The following ZNF518A variants were observed in gnomAD, a reference collection of about 807,000 sequenced individuals.
The protein encoded by ZNF518A is zinc finger protein 518.
In ZNF518A, 47 loss-of-function variants were observed where a neutral mutation model predicts 102.7. That is an observed-to-expected ratio of 0.46 (90% CI 0.36 to 0.58). ZNF518A has a LOEUF of 0.58. Among genes scored for constraint, ZNF518A ranks in the 20% least tolerant of loss-of-function variants. The pLI, the probability that ZNF518A is intolerant of heterozygous loss-of-function variation, is 0.00. For synonymous variants in ZNF518A, 652 were observed against 594.6 expected (o/e 1.10, Z -1.40); for missense variants, 1,793 against 1,699.8 (o/e 1.05, Z -0.96).
intron 1 of ZNF518A, chr10:96,189,396 G>C (rs1554892956): frequency 6.8e-6 from 4 of 585,340 alleles, no homozygotes; most frequent in Non-Finnish European, 1.3e-5. Flanking sequence ...ATCTTGAATA[G>C]TCTCCTGGTC....
At chr10:96,201,648 G>A (rs969080160) in intron 1 of ZNF518A, among the ~76,000 whole-genome samples, 2 of 152,156 alleles carry the variant, frequency 1.3e-5, no homozygotes, top group Non-Finnish European at 2.9e-5. Context: ...AGACCAAAAT[G>A]TCTGAGAATT....
chr10:96,137,388 A>G (rs782189613), intron 3 of ZNF518A, among the ~76,000 whole-genome samples: 42 of 152,242 alleles, frequency 2.8e-4, no homozygotes, highest in Non-Finnish European at 4.6e-4. Context: ...AAACTCCTTG[A>G]AAGAGTTGTC....
chr10:96,152,302 C>T (rs2082486464), intron 3 of ZNF518A, among the ~76,000 whole-genome samples: 1 of 152,140 alleles, frequency 6.6e-6, no homozygotes, highest in African/African-American at 2.4e-5. Flanking sequence ...GACAGCGAGA[C>T]CCTGTCTCAA....
At position 96,173,651 on chromosome 10, in the gene ZNF518A, G is replaced by A. The variant is rs189316280; in HGVS notation, n.35+17604G>A. Among the ~76,000 whole-genome samples, 448 of 152,206 alleles carry A rather than the reference G, an allele frequency of 2.9e-3. 5 individuals are homozygous for A. The highest frequency in any genetic ancestry group is 0.01 in the African/African-American group (419 of 41,532). Reference sequence around the variant, plus strand: ...TGAAGCAAAAACTGACAGAATTGAAGGGAGAAGTAGACAAGTAAAGAATGA... The same window carrying A: ...TGAAGCAAAAACTGACAGAATTGAAAGGAGAAGTAGACAAGTAAAGAATGA... On this transcript the variant is annotated intron_variant and non_coding_transcript_variant, in intron 1 of 2. Transcript: ENST00000442635.
intron 1 of ZNF518A, chr10:96,197,128 A>C: frequency 7.3e-7 from 1 of 1,375,282 alleles, no homozygotes; most frequent in Non-Finnish European, 1.0e-6. Context: ...CAGGTTCAAA[A>C]AATCATTTTG....
At chr10:96,204,069 T>C in exon 3 of ZNF518A, 1 of 1,613,862 alleles carries the variant, frequency 6.2e-7, no homozygotes, top group Non-Finnish European at 8.5e-7. Flanking sequence ...GGCAGAGGTA[T>C]GGGTTTTTGG....
chr10:96,147,621 A>G (rs1203042573), intron 3 of ZNF518A, among the ~76,000 whole-genome samples: 1 of 152,242 alleles, frequency 6.6e-6, no homozygotes, highest in Non-Finnish European at 1.5e-5. Flanking sequence ...GCTTTATGCC[A>G]GAATTCGAAG....
In ZNF518A at chr10:96,200,000, T is replaced by C. The variant is rs773909625; in HGVS notation, n.36-3574T>C. 1.3e-3 allele frequency: 1,475 copies of C among 1,126,844 alleles called. 5 individuals carry two copies. The highest frequency in any genetic ancestry group is 1.6e-3 in the Non-Finnish European group (1,390 of 863,334). The allele number at this position is 1,126,844 out of a possible 1,614,324, so 69.8% of individuals were successfully genotyped here. A position where few individuals can be genotyped will look rare whatever the true frequency, so the allele number is the denominator to read the frequency against. On this transcript the variant is annotated intron_variant and non_coding_transcript_variant, in intron 1 of 2. Coordinates refer to the ZNF518A transcript ENST00000442635. Reference sequence around the variant, plus strand: ...CTGAGATCGAGCCACTGCACTCCAGTGAAACTGCATCATCTCAAAACAAAT... The same window carrying C: ...CTGAGATCGAGCCACTGCACTCCAGCGAAACTGCATCATCTCAAAACAAAT...
chr10:96,162,911 T>C lies in ZNF518A; in HGVS notation c.*2137T>C, dbSNP rs10748660. On this transcript the variant is annotated 3_prime_UTR_variant, in exon 6 of 6. Coordinates refer to ENST00000316045, the MANE Select transcript of ZNF518A (RefSeq NM_001330736.2). ...TATATTGTTTAAGAAAGGTAACATA[T>C]ACCATAATTTTACTATGGTTATGCT... 53,023 of 166,788 alleles carry C rather than the reference T, an allele frequency of 0.32. 9,662 individuals are homozygous for C. Among genetic ancestry groups the C allele is most frequent in the East Asian group, 0.66 (3,445 of 5,184 alleles). The allele number at this position is 166,788 out of a possible 1,614,324, so 10.3% of individuals were successfully genotyped here. A position where few individuals can be genotyped will look rare whatever the true frequency, so the allele number is the denominator to read the frequency against.
At position 96,160,499 on chromosome 10, in the gene ZNF518A, T is replaced by A; in HGVS notation, c.4177T>A (p.Tyr1393Asn). 5 of 1,613,312 alleles carry A rather than the reference T, an allele frequency of 3.1e-6. No individual in the cohort carries two copies. Among genetic ancestry groups the A allele is most frequent in the Non-Finnish European group, 4.2e-6 (5 of 1,179,580 alleles). Reference sequence around the variant, plus strand: ...AAATGCTTTACTGAAACCAGTTTGTTATAACCCTCCTAAAACAACTTATGA... The same window carrying A: ...AAATGCTTTACTGAAACCAGTTTGTAATAACCCTCCTAAAACAACTTATGA... Reference protein sequence around the residue: ...TINALLKPVCYNPPKTTYDDF... With the variant: ...TINALLKPVCNNPPKTTYDDF... The change falls in exon 6 of 6, where the codon TAT becomes AAT. Residue 1393 changes from tyrosine to asparagine, a missense_variant. Around this residue, in one of 3 missense-constraint regions of ZNF518A, gnomAD observed 1,741 missense variants for 1,622.6 expected, o/e 1.07. Transcript: ENST00000316045.
chr10:96,139,799 T>G (rs2081820510), intron 3 of ZNF518A, among the ~76,000 whole-genome samples: 1 of 152,184 alleles, frequency 6.6e-6, no homozygotes, highest in Non-Finnish European at 1.5e-5. Flanking sequence ...TGGCCTGGAC[T>G]AAGATGATGA....
At chr10:96,189,107 C>T (rs1373921350) in intron 1 of ZNF518A, among the ~76,000 whole-genome samples, 1 of 152,180 alleles carries the variant, frequency 6.6e-6, no homozygotes, top group Non-Finnish European at 1.5e-5. Flanking sequence ...TTTCCATGTT[C>T]TGACCACTGC....
intron 1 of ZNF518A, among the ~76,000 whole-genome samples, chr10:96,203,421 G>A (rs2083704016): frequency 1.3e-5 from 2 of 152,060 alleles, no homozygotes; most frequent in Admixed American, 1.3e-4. Flanking sequence ...TATTTAAATG[G>A]ATTTAAGCTT....
intron 1 of ZNF518A, chr10:96,189,698 AATCATCATCATCATCATCATCATC>A: frequency 1.6e-6 from 1 of 639,768 alleles, no homozygotes; most frequent in Admixed American, 2.0e-5. Context: ...TCATCATCAA[AATCATCATCATCATCATCATCATC>A]ATCATCATCA....
chr10:96,131,703 A>G (rs587763093), intron 1 of ZNF518A, among the ~76,000 whole-genome samples: 71 of 152,360 alleles, frequency 4.7e-4, no homozygotes, highest in Middle Eastern at 3.4e-3. Flanking sequence ...AAAGACAGTA[A>G]CCACAATGAA....
intron 1 of ZNF518A, among the ~76,000 whole-genome samples, chr10:96,187,245 A>G (rs143570073): frequency 1.5e-4 from 23 of 152,330 alleles, no homozygotes; most frequent in African/African-American, 5.3e-4. Flanking sequence ...TGCAAAGAAG[A>G]TTTTGGTTAG....
At chr10:96,204,723 C>T (rs1554897034), downstream of ZNF518A, 11 of 963,264 alleles carry the variant, frequency 1.1e-5, no homozygotes, top group African/African-American at 3.2e-5. Flanking sequence ...GAAGTCTTCC[C>T]GGGAACATGT....
chr10:96,138,326 C>G (rs2081723907), intron 3 of ZNF518A, among the ~76,000 whole-genome samples: 1 of 152,112 alleles, frequency 6.6e-6, no homozygotes, highest in Non-Finnish European at 1.5e-5. Flanking sequence ...TGTTTCTGTC[C>G]CCTTGTTACT....
chr10:96,149,045 T>TA (rs2133555163), intron 3 of ZNF518A, among the ~76,000 whole-genome samples: 1 of 152,228 alleles, frequency 6.6e-6, no homozygotes, highest in South Asian at 2.1e-4. Context: ...CTCAATCTGT[T>TA]ACAGCTGATA....
Sources: gnomAD v4.1 joint callset for allele counts (sites outside exome capture counted in the v4.1 genomes callset) on GRCh38, gnomAD v4.1.1 for gene constraint, gnomAD v4.1.1 regional missense constraint, MANE v1.5 for transcripts, NCBI Gene and HGNC (gene_info 2026-07-23, HGNC 2026-07-21) for gene names.